The following CDK14 variants were observed in gnomAD, a reference collection of about 807,000 sequenced individuals.
CDK14 encodes the protein cyclin-dependent kinase 14.
Under a neutral mutation model 60.7 loss-of-function variants are expected in CDK14, and 34 were observed. The observed-to-expected ratio is 0.56, with a 90% CI of 0.43 to 0.75. The LOEUF (loss-of-function observed/expected upper bound fraction) is 0.75. Among genes scored for constraint, CDK14 ranks in the 30% least tolerant of loss-of-function variants. The pLI is 0.00. For synonymous variants in CDK14, 197 were observed against 203.7 expected (o/e 0.97, Z 0.28); for missense variants, 482 against 564.1 (o/e 0.85, Z 1.47).
chr7:90,740,266 TATATAG>T (rs1406124666), intron 3 of CDK14, among the ~76,000 whole-genome samples: 1,323 of 122,280 alleles, frequency 0.011, 8 homozygotes, highest in South Asian at 0.013. Flanking sequence ...TATATATATA[TATATAG>T]AGAGAGAGAG....
intron 2 of CDK14, among the ~76,000 whole-genome samples, chr7:90,679,858 A>G (rs1801280023): frequency 6.6e-6 from 1 of 152,214 alleles, no homozygotes; most frequent in South Asian, 2.1e-4. Flanking sequence ...ATATAGATTT[A>G]TAGTCAGCAT....
intron 1 of CDK14, among the ~76,000 whole-genome samples, chr7:90,599,218 T>G (rs867628713): frequency 3.3e-5 from 5 of 152,036 alleles, no homozygotes; most frequent in Middle Eastern, 3.4e-3. Context: ...ATACCATGTC[T>G]TGTGTGGCAC....
At chr7:90,599,573 G>T (rs138537921) in intron 1 of CDK14, among the ~76,000 whole-genome samples, 89 of 152,282 alleles carry the variant, frequency 5.8e-4, no homozygotes, top group Non-Finnish European at 9.1e-4. Context: ...ACAAGGTGAA[G>T]GTCAATACCA....
Position 91,112,498 on chromosome 7 carries a change from T to A in CDK14, c.1155-44T>A, listed in dbSNP as rs1799492599. The A allele has an allele frequency of 3.8e-6, 6 of 1,571,568 alleles. No homozygotes were observed. The East Asian group carries it at 1.4e-4, about 36-fold the overall frequency. ...TAAGCTTTATGTCTTATTTAGTGGATTTTCTTGTTTGGTCTGACCTCTCTT... is the reference window on the plus strand; with the variant it reads ...TAAGCTTTATGTCTTATTTAGTGGAATTTCTTGTTTGGTCTGACCTCTCTT... On this transcript the variant is annotated intron_variant, in intron 12 of 14. Transcript: ENST00000380050.
chr7:90,771,801 T>G (rs1177172412), intron 4 of CDK14, among the ~76,000 whole-genome samples: 1 of 152,212 alleles, frequency 6.6e-6, no homozygotes, highest in African/African-American at 2.4e-5. Flanking sequence ...GGACTCCATC[T>G]GGAACTGATA....
intron 2 of CDK14, among the ~76,000 whole-genome samples, chr7:90,715,608 G>A (rs1802220545): frequency 6.7e-6 from 1 of 149,460 alleles, no homozygotes; most frequent in African/African-American, 2.5e-5. Flanking sequence ...ATTTAAACCT[G>A]TAAATCCTGT....
At chr7:90,759,961 T>G (rs1804249749) in intron 4 of CDK14, among the ~76,000 whole-genome samples, 1 of 152,306 alleles carries the variant, frequency 6.6e-6, no homozygotes, top group Admixed American at 6.5e-5. Context: ...CCACACTGGT[T>G]TGTGCCAGCC....
intron 2 of CDK14, among the ~76,000 whole-genome samples, chr7:90,613,386 GA>G (rs1443695987): frequency 4.6e-5 from 7 of 152,184 alleles, no homozygotes; most frequent in African/African-American, 1.7e-4. Context: ...GCAGTGCTCT[GA>G]TTTGCATGTT....
intron 14 of CDK14, among the ~76,000 whole-genome samples, chr7:91,180,054 T>C (rs1436407397): frequency 2.0e-5 from 3 of 152,088 alleles, no homozygotes; most frequent in African/African-American, 7.2e-5. Context: ...TAGAATAAAA[T>C]TCTATAAGGG....
At chr7:91,158,765 T>C (rs1348058296) in intron 14 of CDK14, among the ~76,000 whole-genome samples, 1 of 152,174 alleles carries the variant, frequency 6.6e-6, no homozygotes, top group East Asian at 1.9e-4. Context: ...GAATTGATGG[T>C]CAAAGGGTTG....
rs571701755 is a variant in CDK14 at position 90,966,709 on chromosome 7, A to G, written c.947+10892A>G. The stretch of plus-strand genomic sequence containing the variant: ...GATGAGGGATAGTCAGAGAAGACCT[A>G]TGAGGCTAAAGTTTGCTCTTCATAC... On this transcript the variant is annotated intron_variant, in intron 9 of 14. Transcript: ENST00000380050. Among the ~76,000 whole-genome samples, 3 of 152,280 alleles carry G rather than the reference A, an allele frequency of 2.0e-5. No homozygotes were observed. The East Asian group carries it at 5.8e-4, about 29-fold the overall frequency.
chr7:90,845,600 G>C (rs1389309446), intron 5 of CDK14, among the ~76,000 whole-genome samples: 1 of 151,646 alleles, frequency 6.6e-6, no homozygotes, highest in African/African-American at 2.4e-5. Context: ...GTTTTTGCCA[G>C]CTCACTTTTC....
In CDK14 at chr7:91,091,408, G is replaced by A. The variant is rs527800290; in HGVS notation, c.1154+11928G>A. Among the ~76,000 whole-genome samples, 1,158 of 137,490 alleles carry A rather than the reference G, an allele frequency of 8.4e-3. 21 individuals carry two copies. Among genetic ancestry groups the A allele is most frequent in the African/African-American group, 0.029 (1,058 of 36,416 alleles). 90.2% of individuals were successfully genotyped at this position (137,490 alleles called of 152,430 possible). ...TTATATACACATATGTATATAAATT[G>A]TATATACATATATACATATATAATT... is the stretch of plus-strand genomic sequence containing the variant. On this transcript the variant is annotated intron_variant, in intron 12 of 14. Coordinates refer to ENST00000380050, the MANE Select transcript of CDK14 (RefSeq NM_001287135.2).
chr7:90,781,796 A>G (rs1805334614), intron 4 of CDK14, among the ~76,000 whole-genome samples: 1 of 151,998 alleles, frequency 6.6e-6, no homozygotes, highest in South Asian at 2.1e-4. Flanking sequence ...TGGTACCAGT[A>G]CCATGCTGTT....
At chr7:90,937,033 C>G (rs1335361334) in intron 8 of CDK14, among the ~76,000 whole-genome samples, 1 of 152,068 alleles carries the variant, frequency 6.6e-6, no homozygotes, top group Admixed American at 6.6e-5. Context: ...GAGGTATGAT[C>G]ATACCACAGC....
intron 2 of CDK14, chr7:90,709,786 T>C: frequency 1.4e-6 from 2 of 1,429,532 alleles, no homozygotes; most frequent in Non-Finnish European, 1.8e-6. Flanking sequence ...TTTTTTTGCT[T>C]GCTTATGCAT....
chr7:90,959,250 C>T (rs906169767), intron 9 of CDK14, among the ~76,000 whole-genome samples: 1 of 152,154 alleles, frequency 6.6e-6, no homozygotes, highest in Admixed American at 6.6e-5. Context: ...TGTGTTATGT[C>T]TGAACAGCTT....
intron 5 of CDK14, among the ~76,000 whole-genome samples, chr7:90,831,093 C>A (rs909509372): frequency 1.3e-5 from 2 of 152,354 alleles, no homozygotes; most frequent in South Asian, 2.1e-4. Context: ...TCCAAAGTCA[C>A]TTCCACATTT....
At chr7:90,885,419 C>T (rs147558559) in intron 6 of CDK14, among the ~76,000 whole-genome samples, 225 of 152,116 alleles carry the variant, frequency 1.5e-3, no homozygotes, top group Non-Finnish European at 2.6e-3. Flanking sequence ...ATTAAAAAGT[C>T]GGGAAACAAT....
Sources: gnomAD v4.1 joint callset for allele counts (sites outside exome capture counted in the v4.1 genomes callset) on GRCh38, gnomAD v4.1.1 for gene constraint, MANE v1.5 for transcripts, NCBI Gene and HGNC (gene_info 2026-07-23, HGNC 2026-07-21) for gene names.